Variants in IMMP2L observed in about 807,000 individuals in gnomAD.
The protein encoded by IMMP2L is inner mitochondrial membrane peptidase subunit 2.
Under a neutral mutation model 19.3 loss-of-function variants are expected in IMMP2L, and 18 were observed. The observed-to-expected ratio is 0.93, with a 90% confidence interval of 0.64 to 1.38. IMMP2L has a LOEUF of 1.38. Among genes scored for constraint, IMMP2L ranks in the 40% most tolerant of loss-of-function variants. The pLI is 0.00. For synonymous variants in IMMP2L, 76 were observed against 73.0 expected (o/e 1.04, Z -0.21); for missense variants, 233 against 218.2 (o/e 1.07, Z -0.43).
At chr7:111,080,650 A>T (rs1795816434) in intron 3 of IMMP2L, among the ~76,000 whole-genome samples, 1 of 152,182 alleles carries the variant, frequency 6.6e-6, no homozygotes, top group African/African-American at 2.4e-5. Flanking sequence ...TGCTGTTTCC[A>T]TCATTCTACA....
At chr7:110,968,508 T>C (rs1308730654) in intron 3 of IMMP2L, among the ~76,000 whole-genome samples, 18 of 151,950 alleles carry the variant, frequency 1.2e-4, no homozygotes, top group Non-Finnish European at 2.6e-4. Flanking sequence ...ACCCCGTCTC[T>C]ACAAAAAATA....
intron 3 of IMMP2L, among the ~76,000 whole-genome samples, chr7:111,000,597 G>A (rs544454508): frequency 7.9e-4 from 120 of 152,246 alleles, no homozygotes; most frequent in Non-Finnish European, 8.4e-4. Flanking sequence ...TAATCCCAGT[G>A]CTTTGGGAGA....
intron 3 of IMMP2L, among the ~76,000 whole-genome samples, chr7:111,194,065 C>A (rs547572116): frequency 2.5e-4 from 38 of 152,280 alleles, no homozygotes; most frequent in African/African-American, 9.1e-4. Flanking sequence ...GGCAGTGATA[C>A]CATGGCCTGG....
At chr7:111,446,461 C>T (rs1169830830) in intron 3 of IMMP2L, among the ~76,000 whole-genome samples, 2 of 149,836 alleles carry the variant, frequency 1.3e-5, no homozygotes, top group African/African-American at 2.5e-5. Context: ...ACACCTCACA[C>T]GGCAGGGTAT....
intron 3 of IMMP2L, among the ~76,000 whole-genome samples, chr7:111,150,430 A>G (rs1803947058): frequency 6.6e-6 from 1 of 152,130 alleles, no homozygotes; most frequent in Non-Finnish European, 1.5e-5. Context: ...CTGCTATTAC[A>G]TTAAAGATCG....
At chr7:111,049,408 G>C (rs993432679) in intron 3 of IMMP2L, among the ~76,000 whole-genome samples, 1 of 152,026 alleles carries the variant, frequency 6.6e-6, no homozygotes, top group African/African-American at 2.4e-5. Context: ...TGGGATTACA[G>C]GCGTGAGCCA....
intron 3 of IMMP2L, among the ~76,000 whole-genome samples, chr7:111,189,085 T>C (rs1013464954): frequency 2.0e-5 from 3 of 152,108 alleles, no homozygotes; most frequent in African/African-American, 7.2e-5. Context: ...TGGTAGAGAA[T>C]GGTCTAGAGG....
chr7:111,524,441 T>C (rs1236489562), intron 1 of IMMP2L, among the ~76,000 whole-genome samples: 1 of 152,050 alleles, frequency 6.6e-6, no homozygotes, highest in African/African-American at 2.4e-5. Context: ...TTATTTTAAG[T>C]GGTCTACACT....
At chr7:111,307,532 A>G (rs1294294692) in intron 3 of IMMP2L, among the ~76,000 whole-genome samples, 2 of 151,816 alleles carry the variant, frequency 1.3e-5, no homozygotes, top group East Asian at 1.9e-4. Flanking sequence ...GATACTTCTC[A>G]AAATTATATC....
intron 4 of IMMP2L, among the ~76,000 whole-genome samples, chr7:110,941,769 G>C (rs1216081763): frequency 1.3e-5 from 2 of 152,096 alleles, no homozygotes; most frequent in Non-Finnish European, 2.9e-5. Context: ...ATGCACAGAA[G>C]AACACAAACG....
At chr7:110,865,297 AAAT>A (rs747811673) in intron 5 of IMMP2L, among the ~76,000 whole-genome samples, 19 of 151,994 alleles carry the variant, frequency 1.3e-4, no homozygotes, top group Non-Finnish European at 2.2e-4. Flanking sequence ...CTCTAAAAGT[AAAT>A]AAAATTAAGA....
At chr7:111,199,169 C>A (rs1328819390) in intron 3 of IMMP2L, among the ~76,000 whole-genome samples, 1 of 151,990 alleles carries the variant, frequency 6.6e-6, no homozygotes, top group Non-Finnish European at 1.5e-5. Context: ...ATTCTGCCAC[C>A]ATTTTACAAA....
At position 111,241,352 on chromosome 7, in the gene IMMP2L, A is replaced by G. The variant is rs186833285; in HGVS notation, c.239+245886T>C. ...CCACTGTCTTCTATGTATTGAACAT[A>G]AAGTATGATTTGCTTTGTAAAAATT... On this transcript the variant is annotated intron_variant, in intron 3 of 5. Transcript: ENST00000405709. Among the ~76,000 whole-genome samples the G allele has an allele frequency of 1.2e-3, 183 of 152,144 alleles. 1 individual carries two copies. Among genetic ancestry groups the G allele is most frequent in the Admixed American group, 2.4e-3 (37 of 15,232 alleles).
rs543293956 is a variant in IMMP2L, at chr7:110,687,323, C to T, written c.409-23602G>A. ...CCACTTCTATCTATGTCTCTCTCAT[C>T]AGCTTATTTATCGTTATTTATATGT... On this transcript the variant is annotated intron_variant, in intron 5 of 5. Coordinates refer to ENST00000405709, the MANE Select transcript of IMMP2L (RefSeq NM_032549.4). Among the ~76,000 whole-genome samples the T allele has an allele frequency of 1.5e-4, 23 of 152,150 alleles. 2 individuals are homozygous for T. In the South Asian group the frequency reaches 4.8e-3, roughly 32 times the overall value.
chr7:110,977,415 T>A (rs967167028), intron 3 of IMMP2L, among the ~76,000 whole-genome samples: 1 of 152,000 alleles, frequency 6.6e-6, no homozygotes, highest in African/African-American at 2.4e-5. Flanking sequence ...GCCGAGCATC[T>A]GCTTTAGATA....
chr7:111,055,985 G>T (rs1208891092), intron 3 of IMMP2L, among the ~76,000 whole-genome samples: 1 of 146,766 alleles, frequency 6.8e-6, no homozygotes, highest in African/African-American at 2.5e-5. Context: ...TCATGACATT[G>T]AACTATTTTT....
intron 3 of IMMP2L, among the ~76,000 whole-genome samples, chr7:111,241,859 G>A (rs1333650687): frequency 4.6e-5 from 7 of 151,820 alleles, no homozygotes; most frequent in Admixed American, 4.6e-4. Flanking sequence ...GGAAAAAAAA[G>A]TTTTTACAGT....
At position 111,127,746 on chromosome 7, in the gene IMMP2L, G is replaced by A. The variant is rs544539732; in HGVS notation, c.240-164181C>T. On this transcript the variant is annotated intron_variant, in intron 3 of 5. Transcript: ENST00000405709. ...CAACTTTACCTATAACAAATAAAAC[G>A]CTAAAGTTTATAGCTGTATGAATGC... is the stretch of plus-strand genomic sequence containing the variant. Among the ~76,000 whole-genome samples, 32 of 152,126 alleles carry A rather than the reference G, an allele frequency of 2.1e-4. No homozygotes were observed. The East Asian group carries it at 5.0e-3, about 24-fold the overall frequency.
chr7:111,449,040 C>G (rs1362242494), intron 3 of IMMP2L, among the ~76,000 whole-genome samples: 1 of 151,522 alleles, frequency 6.6e-6, no homozygotes, highest in Admixed American at 6.6e-5. Flanking sequence ...AGACCAATAA[C>G]AGGAGCTAAA....
Sources: allele counts gnomAD v4.1 joint callset (sites outside exome capture counted in the v4.1 genomes callset), GRCh38; gene constraint gnomAD v4.1.1; transcripts MANE v1.5; gene names NCBI Gene and HGNC (gene_info 2026-07-23, HGNC 2026-07-21).